ACTR5: variants seen among roughly 807,000 people sequenced by gnomAD.
ACTR5 encodes actin-related protein 5.
Under a neutral mutation model 61.2 loss-of-function variants are expected in ACTR5, and 43 were observed. The observed-to-expected ratio is 0.70, with a 90% confidence interval of 0.55 to 0.91. ACTR5 has a LOEUF of 0.91. Among genes scored for constraint, ACTR5 ranks in the 40% least tolerant of loss-of-function variants. The pLI is 0.00. For missense variants in ACTR5, 798 were observed against 782.2 expected, an observed-to-expected ratio of 1.02 and a Z score of -0.24; for synonymous variants, 333 against 310.5, an observed-to-expected ratio of 1.07 and a Z score of -0.76.
At chr20:38,757,532 C>T (rs2084427661) in intron 5 of ACTR5, among the ~76,000 whole-genome samples, 1 of 151,800 alleles carries the variant, frequency 6.6e-6, no homozygotes, top group South Asian at 2.1e-4. Flanking sequence ...GATTACTTAT[C>T]CTTTCAGAAA....
chr20:38,765,662 T>C (rs1014970198), intron 6 of ACTR5, 144 bp downstream of exon 6: 1 of 667,730 alleles, frequency 1.5e-6, no homozygotes, highest in African/African-American at 1.8e-5. Flanking sequence ...AAATCAGGGA[T>C]TTTTTTCCCC....
At chr20:38,750,589 G>A (rs1220976552) in intron 2 of ACTR5, among the ~76,000 whole-genome samples, 3 of 140,606 alleles carry the variant, frequency 2.1e-5, no homozygotes, top group African/African-American at 7.7e-5. Context: ...CCATCTTTGT[G>A]TTCTGGAGTT....
At position 38,767,510 on chromosome 20, in the gene ACTR5, A is replaced by T. The variant is rs1330004701; in HGVS notation, c.1480A>T (p.Thr494Ser). Residue 494 changes from threonine to serine, a missense_variant, in exon 8 of 9, where the codon ACT becomes TCT. Physicochemically the swap from Thr to Ser is moderately conservative, Grantham distance 58 (BLOSUM62 1). Coordinates refer to ENST00000243903, the MANE Select transcript of ACTR5 (RefSeq NM_024855.4). The part of the protein sequence containing the change: ...QEMLVQNVFL[T>S]GGNTMYPGMK... ...AATGCTGGTTCAGAACGTTTTCCTC[A>T]CTGGCGGCAACACGATGTATCCTGG... 6.2e-7 allele frequency: 1 copy of T among 1,614,122 alleles called. No individual in the cohort carries two copies. The highest frequency in any genetic ancestry group is 8.5e-7 in the Non-Finnish European group (1 of 1,180,016).
In ACTR5 at chr20:38,748,864, G is replaced by A; in HGVS notation, c.375+11G>A. On this transcript the variant is annotated intron_variant, in intron 1 of 8. Coordinates refer to ENST00000243903, the MANE Select transcript of ACTR5 (RefSeq NM_024855.4). ...GGTGTCTCCTCACAGGTGAAGGGCG[G>A]AGTAGGCTGGGCTGGGCTGGGTTTG... 1 of 1,602,240 alleles carries A rather than the reference G, an allele frequency of 6.2e-7. No individual in the cohort carries two copies.
At chr20:38,754,226 C>T (rs895810325) in intron 3 of ACTR5, among the ~76,000 whole-genome samples, 1 of 152,184 alleles carries the variant, frequency 6.6e-6, no homozygotes, top group African/African-American at 2.4e-5. Context: ...GCTCTTCCTT[C>T]ATTCCTGATG....
rs1470806043 is a variant in ACTR5, at chr20:38,755,839, T to C, written c.994-18T>C. 2.5e-6 allele frequency: 4 copies of C among 1,613,798 alleles called. No homozygotes were observed. In the African/African-American group the frequency reaches 5.3e-5, roughly 22 times the overall value. ...TTGAAGCTACTTTCCTTCCTGTTTG[T>C]GACTGCTCTGTTTTCAGGAACTTCT... On this transcript the variant is annotated intron_variant, in intron 4 of 8. Transcript: ENST00000243903.
At chr20:38,769,811 A>G (rs2084509526) in intron 8 of ACTR5, among the ~76,000 whole-genome samples, 2 of 152,152 alleles carry the variant, frequency 1.3e-5, no homozygotes, top group Non-Finnish European at 1.5e-5. Flanking sequence ...TAGGACACCC[A>G]TGAGTCTAAG....
At chr20:38,749,443 C>T (rs921572892) in intron 1 of ACTR5, among the ~76,000 whole-genome samples, 2 of 152,170 alleles carry the variant, frequency 1.3e-5, no homozygotes, top group Non-Finnish European at 2.9e-5. Flanking sequence ...ATCCTAACTG[C>T]AAGGCTGCCT....
chr20:38,753,189 T>A (rs1228822694), intron 3 of ACTR5, among the ~76,000 whole-genome samples: 2 of 152,162 alleles, frequency 1.3e-5, no homozygotes, highest in African/African-American at 4.8e-5. Flanking sequence ...GTTCTCCAGT[T>A]GCTCTGGTAT....
intron 2 of ACTR5, 46 bp from the exon 3 acceptor site, chr20:38,752,085 C>T (rs1296445889): frequency 6.3e-7 from 1 of 1,586,462 alleles, no homozygotes; most frequent in Non-Finnish European, 8.6e-7. Context: ...CTCCATATTT[C>T]TGTCCTCCAG....
chr20:38,748,460 GC>G lies in ACTR5; in HGVS notation c.-18del. ...GGCGGACACTGCGCCGAGGGGCGGG[GC>G]TGGACGCGCGCTCCAAGATGGCGGC... On this transcript the variant is annotated 5_prime_UTR_variant, in exon 1 of 9. Transcript: ENST00000243903. 2 of 1,466,874 alleles carry G rather than the reference GC, an allele frequency of 1.4e-6. No homozygotes were observed. The highest frequency in any genetic ancestry group is 1.8e-6 in the Non-Finnish European group (2 of 1,118,250). 90.9% of individuals were successfully genotyped at this position (1,466,874 alleles called of 1,614,324 possible).
intron 8 of ACTR5, among the ~76,000 whole-genome samples, chr20:38,768,679 A>G (rs1384206913): frequency 1.3e-5 from 2 of 152,268 alleles, no homozygotes; most frequent in East Asian, 3.9e-4. Flanking sequence ...GGCATAAACC[A>G]CATTATTTGT....
intron 8 of ACTR5, among the ~76,000 whole-genome samples, chr20:38,769,354 G>A (rs145024850): frequency 1.3e-5 from 2 of 152,176 alleles, no homozygotes; most frequent in African/African-American, 4.8e-5. Flanking sequence ...AGTATTACTT[G>A]GTAGCTCTGC....
At chr20:38,749,220 A>G (rs1477172212) in intron 1 of ACTR5, among the ~76,000 whole-genome samples, 2 of 152,230 alleles carry the variant, frequency 1.3e-5, no homozygotes, top group Admixed American at 6.5e-5. Context: ...GGCAGACAGT[A>G]AACATAGAAA....
chr20:38,760,656 C>T (rs1409036530), intron 5 of ACTR5, among the ~76,000 whole-genome samples: 1 of 152,144 alleles, frequency 6.6e-6, no homozygotes, highest in African/African-American at 2.4e-5. Context: ...ATCATTATCC[C>T]CCTTTTACAG....
At chr20:38,767,391 T>G in intron 7 of ACTR5, 73 bp from the exon 8 acceptor site, 2 of 1,378,040 alleles carry the variant, frequency 1.5e-6, no homozygotes, top group Non-Finnish European at 2.0e-6. Context: ...TACTGAGAGC[T>G]TACATTTCTG....
At chr20:38,750,376 A>G (rs1253588198) in intron 2 of ACTR5, 137 bp downstream of exon 2, 5 of 706,964 alleles carry the variant, frequency 7.1e-6, no homozygotes, top group Non-Finnish European at 1.2e-5. Flanking sequence ...GCTTTGAACT[A>G]CCTCACTGTG....
chr20:38,764,325 C>G lies in ACTR5; in HGVS notation c.1177-1077C>G, dbSNP rs1336896636. Among the ~76,000 whole-genome samples the G allele has an allele frequency of 2.0e-5, 3 of 152,316 alleles. No individual in the cohort carries two copies. The East Asian group carries it at 5.8e-4, about 29-fold the overall frequency. ...CATAAGACAGTCCATTCTGCAGCAG[C>G]TGTCATTGTTACAGCATTCTTCCTT... On this transcript the variant is annotated intron_variant, in intron 5 of 8. Coordinates refer to ENST00000243903, the MANE Select transcript of ACTR5 (RefSeq NM_024855.4).
chr20:38,767,737 A>G lies in ACTR5; in HGVS notation c.1566+141A>G, dbSNP rs990293615. On this transcript the variant is annotated intron_variant, in intron 8 of 8. Transcript: ENST00000243903. ...GGTCTTAAGTCCATGCTTAATTTTT[A>G]AAGCAAAATGGGAATCATGTTTTAT... is the stretch of plus-strand genomic sequence containing the variant. 42 of 932,886 alleles carry G rather than the reference A, an allele frequency of 4.5e-5. No homozygotes were observed. In the Middle Eastern group the frequency reaches 1.3e-3, roughly 30 times the overall value. The allele number at this position is 932,886 out of a possible 1,614,324, so 57.8% of individuals were successfully genotyped here. A position where few individuals can be genotyped will look rare whatever the true frequency, so the allele number is the denominator to read the frequency against.
Sources: allele counts gnomAD v4.1 joint callset (sites outside exome capture counted in the v4.1 genomes callset), GRCh38; gene constraint gnomAD v4.1.1; transcripts MANE v1.5; gene names NCBI Gene and HGNC (gene_info 2026-07-23, HGNC 2026-07-21).